Variants in KCP observed in about 807,000 individuals in gnomAD.
KCP encodes the protein kielin cysteine rich BMP regulator, also known as kielin/chordin-like protein.
Under a neutral mutation model 212.7 loss-of-function variants are expected in KCP, and 194 were observed. The observed-to-expected ratio is 0.91, with a 90% CI of 0.81 to 1.03. The LOEUF is 1.03. Ranked by LOEUF, KCP falls within the 50% of genes least tolerant of loss-of-function variation. The probability of loss-of-function intolerance (pLI) is 0.00; values close to 1 mark genes in which losing one functional copy is unlikely to be tolerated. For synonymous variants in KCP, 833 were observed against 865.3 expected (o/e 0.96, Z 0.65); for missense variants, 2,080 against 2,162.5 (o/e 0.96, Z 0.76).
At chr7:128,883,865 C>A in intron 29 of KCP, 137 bp downstream of exon 29, 2 of 1,136,512 alleles carry the variant, frequency 1.8e-6, no homozygotes, top group Non-Finnish European at 2.4e-6. Flanking sequence ...TGGTGCAGCC[C>A]TCGCCGGCCA....
chr7:128,880,544 C>G lies in KCP; in HGVS notation c.3617-16G>C. On this transcript the variant is annotated splice_polypyrimidine_tract_variant and intron_variant, in intron 33 of 39. Transcript: ENST00000610776. ...TGGGTGGGAGCTGAAGGGATAGGAG[C>G]TGGGAGGGTCAGCTGCTCCTCCCAC... is the stretch of plus-strand genomic sequence containing the variant. 1 of 1,423,434 alleles carries G rather than the reference C, an allele frequency of 7.0e-7. No homozygotes were observed. Among genetic ancestry groups the G allele is most frequent in the African/African-American group, 1.4e-5 (1 of 69,158 alleles). The allele number at this position is 1,423,434 out of a possible 1,614,324, so 88.2% of individuals were successfully genotyped here.
At chr7:128,885,404 T>G in intron 26 of KCP, 134 bp from the exon 27 acceptor site, 1 of 870,842 alleles carries the variant, frequency 1.1e-6, no homozygotes, top group Non-Finnish European at 1.7e-6. Flanking sequence ...GAAGGTGCGA[T>G]GGGGCAGAAC....
At position 128,892,700 on chromosome 7, in the gene KCP, G is replaced by T; in HGVS notation, c.1515C>A (p.Ala505=). Residue 505 remains alanine, a synonymous_variant, in exon 15 of 40, where the codon GCC becomes GCA. Transcript: ENST00000610776. ...GCTGGGCAGTTACCTGACAGTGGCA[G>T]GCATGGCAAGGGCTGTCTGCATCCG... ...NFTDADSPCH[A]CHCQDGTVTC... 1 of 1,551,682 alleles carries T rather than the reference G, an allele frequency of 6.4e-7. No homozygotes were observed. Among genetic ancestry groups the T allele is most frequent in the Non-Finnish European group, 8.7e-7 (1 of 1,146,952 alleles).
At position 128,908,423 on chromosome 7, in the gene KCP, T is replaced by C. The variant is rs576572893; in HGVS notation, c.219+3A>G. 3.7e-5 allele frequency: 57 copies of C among 1,550,594 alleles called. No individual in the cohort carries two copies. Among genetic ancestry groups the C allele is most frequent in the Non-Finnish European group, 4.6e-5 (53 of 1,146,358 alleles). The stretch of plus-strand genomic sequence containing the variant: ...ATGCAAACCAGCACTGTCTCCATGG[T>C]ACCTGTTCTCTGAGCTCCATCACTG... On this transcript the variant is annotated splice_donor_region_variant and intron_variant, in intron 2 of 39. Coordinates refer to ENST00000610776, the MANE Select transcript of KCP (RefSeq NM_001366122.1).
rs200617573 is a variant in KCP at position 128,907,303 on chromosome 7, C to T, written c.370G>A (p.Ala124Thr). 92 of 1,537,624 alleles carry T rather than the reference C, an allele frequency of 6.0e-5. No homozygotes were observed. In the East Asian group the frequency reaches 1.2e-3, roughly 20 times the overall value. The change falls in exon 3 of 40, where the codon GCT becomes ACT. Residue 124 changes from alanine to threonine, a missense_variant. Physicochemically the swap from Ala to Thr is moderately conservative, Grantham distance 58. Transcript: ENST00000610776. Reference sequence around the variant, plus strand: ...AGGTGTGCTTGGGGGCCACAGTGAGCGGCCCCATCCTGGCAGACGCAGGCT... The same window carrying T: ...AGGTGTGCTTGGGGGCCACAGTGAGTGGCCCCATCCTGGCAGACGCAGGCT... ...CTACVCQDGA[A>T]HCGPQAHLPH... is the part of the protein sequence containing the mutation.
Position 128,877,792 on chromosome 7 carries a change from T to C in KCP, c.4312-2A>G. 1 of 1,544,568 alleles carries C rather than the reference T, an allele frequency of 6.5e-7. No individual in the cohort carries two copies. Among genetic ancestry groups the C allele is most frequent in the Non-Finnish European group, 8.7e-7 (1 of 1,143,212 alleles). ...GCCAGGCCACAGCCCCTCTGAGACC[T>C]GGGTGGGGAGAGCAGCCCTGACGTG... On this transcript the variant is annotated splice_acceptor_variant, in intron 38 of 39. Coordinates refer to ENST00000610776, the MANE Select transcript of KCP (RefSeq NM_001366122.1). LOFTEE classifies it high-confidence loss of function.
At position 128,880,454 on chromosome 7, in the gene KCP, T is replaced by C. The variant is rs560509749; in HGVS notation, c.3691A>G (p.Ser1231Gly). Residue 1231 changes from serine (S) to glycine (G), a missense_variant, in exon 34 of 40, where the codon AGC (serine) becomes GGC (glycine). By Grantham distance (56) the Ser-to-Gly change is moderately conservative. Coordinates refer to ENST00000610776, the MANE Select transcript of KCP (RefSeq NM_001366122.1). Reference protein sequence around the residue: ...GERWTVDTCTSCSCMAGTVRC... With the variant: ...GERWTVDTCTGCSCMAGTVRC... ...ACGGTGCCCGCCATGCAGGAGCAGCTGGTGCAGGTGTCCACAGTCCAGCGC... is the reference window on the plus strand; with the variant it reads ...ACGGTGCCCGCCATGCAGGAGCAGCCGGTGCAGGTGTCCACAGTCCAGCGC... 6.5e-6 allele frequency: 10 copies of C among 1,547,526 alleles called. No individual in the cohort carries two copies. In the South Asian group the frequency reaches 1.1e-4, roughly 17 times the overall value.
At position 128,876,930 on chromosome 7, in the gene KCP, C is replaced by T; in HGVS notation, c.*113G>A. ...GCGGGGGTCTTTGCAGGGCAGGGGC[C>T]CAGGCTCCAGTGTCCAGGCAGGGCA... On this transcript the variant is annotated 3_prime_UTR_variant, in exon 40 of 40. Coordinates refer to ENST00000610776, the MANE Select transcript of KCP (RefSeq NM_001366122.1). 7.6e-7 allele frequency: 1 copy of T among 1,317,354 alleles called. No homozygotes were observed. Among genetic ancestry groups the T allele is most frequent in the African/African-American group, 1.5e-5 (1 of 65,182 alleles). 81.6% of individuals were successfully genotyped at this position (1,317,354 alleles called of 1,614,324 possible). A position where few individuals can be genotyped will look rare whatever the true frequency, so the allele number is the denominator to read the frequency against.
In KCP at chr7:128,876,977, G is replaced by A; in HGVS notation, c.*66C>T. 6.6e-7 allele frequency: 1 copy of A among 1,511,016 alleles called. No individual in the cohort carries two copies. Among genetic ancestry groups the A allele is most frequent in the Non-Finnish European group, 8.8e-7 (1 of 1,132,002 alleles). 93.6% of individuals were successfully genotyped at this position (1,511,016 alleles called of 1,614,324 possible). On this transcript the variant is annotated 3_prime_UTR_variant, in exon 40 of 40. Coordinates refer to ENST00000610776, the MANE Select transcript of KCP (RefSeq NM_001366122.1). The stretch of plus-strand genomic sequence containing the variant: ...GGCATTCTCTCCATAGCCCTAACCA[G>A]GGTGGGAACTGCTCGCCAAGGGGAG...
chr7:128,902,839 G>C lies in KCP; in HGVS notation c.769C>G (p.His257Asp). ...TCQGCTEGGS[H>D]WEHGQEWTTP... ...GTCCACTCTTGGCCATGTTCCCAGTGAGAGCCACCTTCTGTGCAGCCTAGG... is the reference window on the plus strand; with the variant it reads ...GTCCACTCTTGGCCATGTTCCCAGTCAGAGCCACCTTCTGTGCAGCCTAGG... Residue 257 changes from histidine (H) to aspartate (D), a missense_variant, in exon 8 of 40, where the codon CAC (histidine) becomes GAC (aspartate). By Grantham distance (81) the His-to-Asp change is moderately conservative (BLOSUM62 -1). Transcript: ENST00000610776. 1 of 1,551,462 alleles carries C rather than the reference G, an allele frequency of 6.4e-7. No individual in the cohort carries two copies. The highest frequency in any genetic ancestry group is 2.4e-5 in the East Asian group (1 of 40,914).
chr7:128,891,433 AC>A lies in KCP; in HGVS notation c.1878+17del, dbSNP rs1563036099. 6.5e-6 allele frequency: 10 copies of A among 1,548,712 alleles called. No individual in the cohort carries two copies. In the South Asian group the frequency reaches 1.2e-4, roughly 18 times the overall value. ...GCCTCCACTCCCCTGGGCGCCTCCC[AC>A]CCAGGTGCAGACTCACCAGACAGCG... On this transcript the variant is annotated intron_variant, in intron 18 of 39. Transcript: ENST00000610776.
chr7:128,885,490 C>T (rs534111045), intron 26 of KCP, among the ~76,000 whole-genome samples: 1 of 152,296 alleles, frequency 6.6e-6, no homozygotes, highest in African/African-American at 2.4e-5. Flanking sequence ...CTGTTCCTAC[C>T]TGCTCTCAAG....
At chr7:128,907,637 A>G (rs1451481906) in intron 2 of KCP, among the ~76,000 whole-genome samples, 184 bp from the exon 3 acceptor site, 1 of 152,228 alleles carries the variant, frequency 6.6e-6, no homozygotes, top group African/African-American at 2.4e-5. Flanking sequence ...ACGGGCCCCA[A>G]TCTCTCCTTT....
At chr7:128,908,247 GAAA>G (rs777193284) in intron 2 of KCP, among the ~76,000 whole-genome samples, 176 bp downstream of exon 2, 2 of 87,210 alleles carry the variant, frequency 2.3e-5, no homozygotes, top group East Asian at 6.3e-4. Context: ...AAGGAAGAAA[GAAA>G]GAAGAAAGAA....
chr7:128,896,889 CAAAAAAAAAA>C (rs35522047), intron 8 of KCP, among the ~76,000 whole-genome samples: 4 of 58,080 alleles, frequency 6.9e-5, no homozygotes, highest in African/African-American at 2.7e-4. Flanking sequence ...GACTCCATCT[CAAAAAAAAAA>C]AAAAAAAAAA....
chr7:128,898,395 G>A (rs1286497146), intron 8 of KCP, among the ~76,000 whole-genome samples: 7 of 152,130 alleles, frequency 4.6e-5, no homozygotes, highest in African/African-American at 1.4e-4. Flanking sequence ...CTGCTTTACA[G>A]TTAGGTAAGG....
rs746031845 is a variant in KCP at position 128,893,252 on chromosome 7, C to T, written c.1253G>A (p.Arg418His). Residue 418 changes from arginine (R) to histidine (H), a missense_variant, in exon 13 of 40, where the codon CGC becomes CAC. Coordinates refer to ENST00000610776, the MANE Select transcript of KCP (RefSeq NM_001366122.1). Reference protein sequence around the residue: ...VTPCALPASGRQLCPACELDG... With the variant: ...VTPCALPASGHQLCPACELDG... ...CTCACACACACCTGGGCAGAGCTGGCGGCCAGAGGCAGGCAGGGCACAGGG... is the reference window on the plus strand; with the variant it reads ...CTCACACACACCTGGGCAGAGCTGGTGGCCAGAGGCAGGCAGGGCACAGGG... The T allele has an allele frequency of 1.2e-5, 18 of 1,551,138 alleles. No individual in the cohort carries two copies. The highest frequency in any genetic ancestry group is 1.1e-4 in the African/African-American group (8 of 73,020).
intron 11 of KCP, 132 bp from the exon 12 acceptor site, chr7:128,893,608 G>A: frequency 1.1e-6 from 1 of 949,664 alleles, no homozygotes; most frequent in Non-Finnish European, 1.6e-6. Context: ...CCTGCCAGCA[G>A]CCCCCTGCCC....
chr7:128,904,556 C>T (rs1795028676), intron 5 of KCP, among the ~76,000 whole-genome samples: 1 of 152,278 alleles, frequency 6.6e-6, no homozygotes, highest in South Asian at 2.1e-4. Context: ...AGTAGCAGCC[C>T]TGCCTAGCCC....
Sources: allele counts gnomAD v4.1 joint callset (sites outside exome capture counted in the v4.1 genomes callset), GRCh38; gene constraint gnomAD v4.1.1; transcripts MANE v1.5; gene names NCBI Gene and HGNC (gene_info 2026-07-23, HGNC 2026-07-21).